Variants in PPEF1 observed in about 807,000 individuals in gnomAD.
PPEF1 encodes the protein protein phosphatase with EF-hand domain 1, also known as serine/threonine-protein phosphatase with EF-hands 1.
A neutral mutation model predicts 53.3 loss-of-function variants in PPEF1; 12 were observed. The observed-to-expected ratio is 0.23, with a 90% confidence interval of 0.14 to 0.36. PPEF1 has a LOEUF of 0.36. Ranked by LOEUF, PPEF1 falls within the 10% of genes least tolerant of loss-of-function variation. The probability of loss-of-function intolerance (pLI) is 1.00; values close to 1 mark genes in which losing one functional copy is unlikely to be tolerated. For synonymous variants in PPEF1, 165 were observed against 176.7 expected (o/e 0.93, Z 0.52); for missense variants, 334 against 490.4 (o/e 0.68, Z 3.01).
upstream of PPEF1, among the ~76,000 whole-genome samples, chrX:18,707,076 C>T (rs960660750): frequency 3.5e-4 from 39 of 110,173 alleles, no homozygotes; most frequent in African/African-American, 1.2e-3. Flanking sequence ...ATCCGCCCGC[C>T]TCGGCCTCCC....
chrX:18,739,285 G>A (rs2045081607), intron 3 of PPEF1, among the ~76,000 whole-genome samples: 1 of 112,201 alleles, frequency 8.9e-6, no homozygotes, highest in African/African-American at 3.2e-5. Flanking sequence ...TTTGGTCTTT[G>A]ATGATGGTGA....
At chrX:18,797,877 T>C (rs1479549570) in intron 10 of PPEF1, among the ~76,000 whole-genome samples, 2 of 109,737 alleles carry the variant, frequency 1.8e-5, no homozygotes, top group Non-Finnish European at 3.8e-5. Flanking sequence ...AATATTTTTG[T>C]ATTTTTAGTA....
chrX:18,787,538 AG>A (rs1168906987), intron 9 of PPEF1, among the ~76,000 whole-genome samples: 6 of 110,831 alleles, frequency 5.4e-5, no homozygotes, highest in Non-Finnish European at 1.1e-4. Context: ...GCTGGGGCAA[AG>A]TATCCTGATC....
intron 10 of PPEF1, among the ~76,000 whole-genome samples, chrX:18,793,705 G>A (rs867514935): frequency 4.0e-5 from 2 of 50,570 alleles, no homozygotes; most frequent in South Asian, 1.7e-3. Flanking sequence ...CCCACCCCCC[G>A]CCCGTGTATG....
At chrX:18,724,980 G>A (rs1322705770) in intron 1 of PPEF1, among the ~76,000 whole-genome samples, 1 of 111,120 alleles carries the variant, frequency 9.0e-6, no homozygotes, top group Non-Finnish European at 1.9e-5. Flanking sequence ...TCCCTCTCCT[G>A]GAGAGGTTTC....
intron 1 of PPEF1, among the ~76,000 whole-genome samples, chrX:18,708,408 G>A (rs917769657): frequency 2.7e-5 from 3 of 112,082 alleles, no homozygotes; most frequent in African/African-American, 9.7e-5. Flanking sequence ...TATTCACTTT[G>A]TTTATTTTGT....
At chrX:18,728,811 T>A (rs768946342) in intron 1 of PPEF1, among the ~76,000 whole-genome samples, 1 of 111,704 alleles carries the variant, frequency 9.0e-6, no homozygotes, top group Non-Finnish European at 1.9e-5. Flanking sequence ...ATGCTGAGAC[T>A]GGGGGCTGGA....
chrX:18,823,881 T>C, intron 13 of PPEF1, 42 bp from the exon 14 acceptor site: 2 of 1,182,882 alleles, frequency 1.7e-6, no homozygotes, highest in Non-Finnish European at 2.3e-6. Context: ...TTTAAAATCA[T>C]ATTTTAACAA....
At chrX:18,724,869 G>T (rs950235966) in intron 1 of PPEF1, among the ~76,000 whole-genome samples, 2 of 110,870 alleles carry the variant, frequency 1.8e-5, no homozygotes, top group African/African-American at 3.3e-5. Flanking sequence ...TCCAGGGGAG[G>T]GTCCTCAGCT....
At chrX:18,790,231 A>G (rs2046300068) in intron 10 of PPEF1, among the ~76,000 whole-genome samples, 1 of 112,120 alleles carries the variant, frequency 8.9e-6, no homozygotes, top group Admixed American at 9.5e-5. Context: ...TTTATTGGAT[A>G]TTTGTAGATC....
chrX:18,821,799 GAGAGAA>G (rs1345777904), intron 13 of PPEF1, among the ~76,000 whole-genome samples: 11 of 16,370 alleles, frequency 6.7e-4, no homozygotes, highest in East Asian at 4.9e-3. Flanking sequence ...GAGAGAGAGA[GAGAGAA>G]AACAAATAAC....
intron 1 of PPEF1, among the ~76,000 whole-genome samples, chrX:18,713,705 T>G (rs2044379708): frequency 9.0e-6 from 1 of 111,633 alleles, no homozygotes; most frequent in Non-Finnish European, 1.9e-5. Context: ...TAATGAATAC[T>G]CCCTCATCAT....
Position 18,757,654 on chromosome X carries a change from G to T in PPEF1, c.424G>T (p.Val142Leu). ...QILHAHYVLEVLFETKKVLKQ... is the reference protein window; with the variant it reads ...QILHAHYVLELLFETKKVLKQ... ...ACTTCATGCCCATTATGTCTTAGAG[G>T]TGCTATTTGAAACCAAGAAAGTCCT... Residue 142 changes from valine (V) to leucine (L), a missense_variant, in exon 5 of 16, where the codon GTG becomes TTG. Transcript: ENST00000470157. The T allele has an allele frequency of 8.3e-7, 1 of 1,209,151 alleles. No individual in the cohort carries two copies.
At chrX:18,680,264 G>A (rs1928827357), upstream of PPEF1, among the ~76,000 whole-genome samples, 2 of 109,410 alleles carry the variant, frequency 1.8e-5, no homozygotes, top group Admixed American at 2.0e-4. Context: ...CTTAGATCAC[G>A]CTGTTGCTTG....
rs1367073347 is a variant in PPEF1 at position 18,789,287 on chromosome X, G to T, written c.1065+14G>T. On this transcript the variant is annotated intron_variant, in intron 10 of 15. Transcript: ENST00000470157. ...GAATGGGAACAGGTAGGTAATCAGGGTGTTCACTGCAGTGGCAACAATGAC... is the reference window on the plus strand; with the variant it reads ...GAATGGGAACAGGTAGGTAATCAGGTTGTTCACTGCAGTGGCAACAATGAC... 6 of 1,198,129 alleles carry T rather than the reference G, an allele frequency of 5.0e-6. No homozygotes were observed. The Admixed American group carries it at 6.6e-5, about 13-fold the overall frequency.
intron 12 of PPEF1, among the ~76,000 whole-genome samples, chrX:18,810,159 A>G (rs1230765542): frequency 9.2e-6 from 1 of 109,140 alleles, no homozygotes; most frequent in African/African-American, 3.3e-5. Context: ...AGATTTTACA[A>G]TGTGGAATTT....
intron 10 of PPEF1, among the ~76,000 whole-genome samples, chrX:18,792,618 CT>C (rs986442531): frequency 3.3e-4 from 37 of 111,069 alleles, no homozygotes; most frequent in African/African-American, 1.1e-3. Flanking sequence ...GAAGAACCAA[CT>C]TTTAGTTTTA....
chrX:18,769,882 G>A (rs1415489101), intron 6 of PPEF1, among the ~76,000 whole-genome samples: 1 of 111,756 alleles, frequency 8.9e-6, no homozygotes, highest in Non-Finnish European at 1.9e-5. Context: ...AAATTCACTG[G>A]GATAATTTCC....
At chrX:18,799,681 T>C (rs939528862) in intron 10 of PPEF1, among the ~76,000 whole-genome samples, 1 of 111,658 alleles carries the variant, frequency 9.0e-6, no homozygotes, top group Non-Finnish European at 1.9e-5. Flanking sequence ...ACAAATAGAT[T>C]TTTGTTGACC....
Sources: allele counts gnomAD v4.1 joint callset (sites outside exome capture counted in the v4.1 genomes callset), GRCh38; gene constraint gnomAD v4.1.1; transcripts MANE v1.5; gene names NCBI Gene and HGNC (gene_info 2026-07-23, HGNC 2026-07-21).